Variants in MDGA2 observed in about 807,000 individuals in gnomAD.
MDGA2 encodes the protein MAM domain containing glycosylphosphatidylinositol anchor 2, also known as MAM domain-containing glycosylphosphatidylinositol anchor protein 2.
MDGA2 carries 40 observed loss-of-function variants against 117.8 expected under a neutral mutation model. The ratio of observed to expected loss-of-function variants is 0.34; its 90% CI spans 0.26 to 0.44. The LOEUF is 0.44. Among genes scored for constraint, MDGA2 ranks in the 20% least tolerant of loss-of-function variants. The probability of loss-of-function intolerance (pLI) is 1.00; values close to 1 mark genes in which losing one functional copy is unlikely to be tolerated. For synonymous variants in MDGA2, 452 were observed against 439.0 expected (o/e 1.03, Z -0.37); for missense variants, 1,123 against 1,250.6 (o/e 0.90, Z 1.54).
intron 1 of MDGA2, among the ~76,000 whole-genome samples, chr14:47,561,218 T>C: frequency 6.8e-6 from 1 of 146,448 alleles, no homozygotes; most frequent in East Asian, 2.2e-4. Flanking sequence ...AATCTGGCTC[T>C]TTTTTGTTTC....
chr14:46,934,807 ATCATT>A (rs1884717739), intron 9 of MDGA2, among the ~76,000 whole-genome samples: 1 of 152,190 alleles, frequency 6.6e-6, no homozygotes, highest in Non-Finnish European at 1.5e-5. Context: ...TATTAAAAAA[ATCATT>A]TCATTAATAC....
At chr14:47,016,362 G>T (rs571523914) in intron 8 of MDGA2, among the ~76,000 whole-genome samples, 2 of 152,046 alleles carry the variant, frequency 1.3e-5, no homozygotes, top group African/African-American at 4.8e-5. Context: ...TGTAGTATCA[G>T]TTATTATATT....
chr14:47,165,267 A>T (rs1010220421), intron 3 of MDGA2, among the ~76,000 whole-genome samples: 22 of 152,204 alleles, frequency 1.4e-4, no homozygotes, highest in Admixed American at 6.5e-5. Flanking sequence ...ATACAAAAAA[A>T]GAACAGTCCC....
chr14:46,991,126 T>C (rs1887078310), intron 8 of MDGA2, among the ~76,000 whole-genome samples: 1 of 152,112 alleles, frequency 6.6e-6, no homozygotes, highest in Admixed American at 6.6e-5. Flanking sequence ...TTTATTATTA[T>C]GAATGTACTT....
At chr14:47,508,920 G>A (rs1343525359) in intron 1 of MDGA2, among the ~76,000 whole-genome samples, 1 of 152,136 alleles carries the variant, frequency 6.6e-6, no homozygotes, top group Non-Finnish European at 1.5e-5. Context: ...TCGATCTCCT[G>A]ACCTCGTGAT....
intron 1 of MDGA2, among the ~76,000 whole-genome samples, chr14:47,350,227 G>A (rs112504250): frequency 1.3e-5 from 2 of 152,132 alleles, no homozygotes; most frequent in Non-Finnish European, 2.9e-5. Context: ...ACTGTATTGT[G>A]TGTAAGTTCA....
intron 2 of MDGA2, among the ~76,000 whole-genome samples, chr14:47,275,518 T>C (rs1318525645): frequency 6.6e-6 from 1 of 152,142 alleles, no homozygotes; most frequent in Non-Finnish European, 1.5e-5. Flanking sequence ...GCCTCTCATG[T>C]GGAGGCCCTA....
intron 8 of MDGA2, among the ~76,000 whole-genome samples, chr14:46,960,932 G>GTTTTATATATACATATAAGTA: frequency 7.5e-6 from 1 of 133,186 alleles, no homozygotes; most frequent in Admixed American, 7.7e-5. Flanking sequence ...ACATATATGT[G>GTTTTATATATACATATAAGTA]TATGCGTATA....
At position 47,454,568 on chromosome 14, in the gene MDGA2, G is replaced by T. The variant is rs545206420; in HGVS notation, c.281-153018C>A. Among the ~76,000 whole-genome samples the T allele has an allele frequency of 6.4e-4, 98 of 152,180 alleles. 1 individual carries two copies. The highest frequency in any genetic ancestry group is 2.3e-3 in the African/African-American group (94 of 41,532). On this transcript the variant is annotated intron_variant, in intron 1 of 16. Coordinates refer to ENST00000399232, the MANE Select transcript of MDGA2 (RefSeq NM_001113498.3). The stretch of plus-strand genomic sequence containing the variant: ...CTCTGTTTGTTTTGTTTTTAAAACT[G>T]TGTATATAGTTTTCACATTCTGTAA...
chr14:47,083,129 GAGAC>G (rs1158603144), intron 6 of MDGA2, among the ~76,000 whole-genome samples: 2 of 151,804 alleles, frequency 1.3e-5, no homozygotes, highest in Non-Finnish European at 2.9e-5. Context: ...ATTAATGAAA[GAGAC>G]AGGAAAAAGA....
At chr14:47,234,509 C>G (rs1002972320) in intron 2 of MDGA2, among the ~76,000 whole-genome samples, 2 of 152,040 alleles carry the variant, frequency 1.3e-5, no homozygotes, top group African/African-American at 4.8e-5. Context: ...AGCTTCTATA[C>G]TTGATTCCCA....
At chr14:46,989,474 C>T (rs1019736429) in intron 8 of MDGA2, among the ~76,000 whole-genome samples, 2 of 152,178 alleles carry the variant, frequency 1.3e-5, no homozygotes, top group Non-Finnish European at 2.9e-5. Context: ...TGTGACTAAT[C>T]CATCTTTTTC....
chr14:47,104,865 CCTCA>C (rs953038150), intron 5 of MDGA2, among the ~76,000 whole-genome samples: 5 of 151,966 alleles, frequency 3.3e-5, no homozygotes, highest in African/African-American at 1.2e-4. Flanking sequence ...CTCCAACCTC[CCTCA>C]CTATCCCTCA....
intron 1 of MDGA2, among the ~76,000 whole-genome samples, chr14:47,555,052 A>C (rs1474456009): frequency 6.6e-6 from 1 of 152,124 alleles, no homozygotes; most frequent in Non-Finnish European, 1.5e-5. Context: ...TTAGAACAGA[A>C]TGGCTACCTT....
At chr14:47,213,806 G>A (rs959666648) in intron 3 of MDGA2, among the ~76,000 whole-genome samples, 1 of 151,978 alleles carries the variant, frequency 6.6e-6, no homozygotes, top group African/African-American at 2.4e-5. Context: ...AACTGCCCAA[G>A]ACTGGGTAAT....
chr14:47,109,576 A>T (rs940926714), intron 5 of MDGA2, among the ~76,000 whole-genome samples: 2 of 152,216 alleles, frequency 1.3e-5, no homozygotes, highest in Admixed American at 1.3e-4. Context: ...AATTTTACTG[A>T]ATAAAAGAAA....
In MDGA2 at chr14:47,536,200, T is replaced by G. The variant is rs191784293; in HGVS notation, c.280+138317A>C. Among the ~76,000 whole-genome samples the G allele has an allele frequency of 4.6e-5, 7 of 152,096 alleles. No individual in the cohort carries two copies. In the East Asian group the frequency reaches 7.8e-4, roughly 17 times the overall value. ...TGTAAGGTAGGGTGAAGAATTAGGG[T>G]GGAAAATTCAATCTATCACAAAGAC... On this transcript the variant is annotated intron_variant, in intron 1 of 16. Coordinates refer to ENST00000399232, the MANE Select transcript of MDGA2 (RefSeq NM_001113498.3).
chr14:46,854,045 T>C (rs1044172918), intron 15 of MDGA2, among the ~76,000 whole-genome samples: 3 of 151,802 alleles, frequency 2.0e-5, no homozygotes, highest in Non-Finnish European at 4.4e-5. Flanking sequence ...TGAATGACTA[T>C]GTATTTTTAT....
At position 47,183,131 on chromosome 14, in the gene MDGA2, C is replaced by T. The variant is rs559315547; in HGVS notation, c.595+34890G>A. ...CTCATTATCTTCCTCTGCATATGGG[C>T]TCATCCCTGTTTTTCCAGGGAACTG... On this transcript the variant is annotated intron_variant, in intron 3 of 16. Transcript: ENST00000399232. Among the ~76,000 whole-genome samples the T allele has an allele frequency of 1.9e-3, 285 of 152,202 alleles. 1 individual carries two copies. Among genetic ancestry groups the T allele is most frequent in the Middle Eastern group, 0.014 (4 of 292 alleles).
Sources: gnomAD v4.1 joint callset for allele counts (sites outside exome capture counted in the v4.1 genomes callset) on GRCh38, gnomAD v4.1.1 for gene constraint, MANE v1.5 for transcripts, NCBI Gene and HGNC (gene_info 2026-07-23, HGNC 2026-07-21) for gene names.